Variants in ATP13A3 observed in about 807,000 individuals in gnomAD.
The protein encoded by ATP13A3 is polyamine-transporting ATPase 13A3.
In ATP13A3, 59 loss-of-function variants were observed where a neutral mutation model predicts 158.1. That is an observed-to-expected ratio of 0.37 (90% CI 0.30 to 0.46). ATP13A3 has a LOEUF of 0.46. ATP13A3 is among the 20% of genes least tolerant of loss of function. The pLI, the probability that ATP13A3 is intolerant of heterozygous loss-of-function variation, is 1.00. For missense variants in ATP13A3, 1,166 were observed against 1,525.2 expected, an observed-to-expected ratio of 0.76 and a Z score of 3.92; for synonymous variants, 491 against 504.3, an observed-to-expected ratio of 0.97 and a Z score of 0.35.
chr3:194,462,012 G>C (rs780827801), intron 3 of ATP13A3, 128 bp downstream of exon 3: 13 of 806,386 alleles, frequency 1.6e-5, no homozygotes, highest in Non-Finnish European at 2.7e-5. Context: ...AGCACAGGAT[G>C]AAGAAAGAAG....
At chr3:194,410,977 CAG>C (rs1715382052) in intron 33 of ATP13A3, among the ~76,000 whole-genome samples, 1 of 143,336 alleles carries the variant, frequency 7.0e-6, no homozygotes, top group Non-Finnish European at 1.5e-5. Flanking sequence ...TGTGTATACA[CAG>C]ATGAGATTTT....
At position 194,493,444 on chromosome 3, in the gene ATP13A3, C is replaced by T. The variant is rs553838054; in HGVS notation, n.746+606G>A. ...GGTGGATCACTTGAGGTCAGGAGTTCGAGACCAGCCTGGCCAACATAATGA... is the reference window on the plus strand; with the variant it reads ...GGTGGATCACTTGAGGTCAGGAGTTTGAGACCAGCCTGGCCAACATAATGA... On this transcript the variant is annotated intron_variant and non_coding_transcript_variant, in intron 2 of 32. Coordinates refer to the ATP13A3 transcript ENST00000687055. Among the ~76,000 whole-genome samples the T allele has an allele frequency of 1.5e-4, 23 of 151,996 alleles. No individual in the cohort carries two copies. The East Asian group carries it at 3.3e-3, about 22-fold the overall frequency.
At chr3:194,412,007 T>C (rs78805550) in intron 33 of ATP13A3, among the ~76,000 whole-genome samples, 192 bp downstream of exon 33, 2 of 152,300 alleles carry the variant, frequency 1.3e-5, no homozygotes, top group Non-Finnish European at 2.9e-5. Flanking sequence ...ATGTTTGCCA[T>C]GAATTTTCTA....
chr3:194,433,621 G>T, intron 21 of ATP13A3, 151 bp downstream of exon 21: 3 of 929,128 alleles, frequency 3.2e-6, no homozygotes, highest in Non-Finnish European at 3.1e-6. Flanking sequence ...GTTATCTTGC[G>T]CTTGGGAAAA....
chr3:194,491,745 C>T (rs1577102933), upstream of ATP13A3, among the ~76,000 whole-genome samples: 1 of 84,770 alleles, frequency 1.2e-5, no homozygotes, highest in Non-Finnish European at 2.3e-5. Context: ...ACCTGGCATG[C>T]CCCCTCCATC....
At chr3:194,412,018 G>A (rs1393678124) in intron 33 of ATP13A3, among the ~76,000 whole-genome samples, 181 bp downstream of exon 33, 7 of 152,090 alleles carry the variant, frequency 4.6e-5, no homozygotes, top group African/African-American at 1.2e-4. Context: ...GAATTTTCTA[G>A]GACTTCTTAT....
intron 30 of ATP13A3, 119 bp downstream of exon 30, chr3:194,425,223 A>T: frequency 2.1e-6 from 2 of 962,778 alleles, no homozygotes; most frequent in Non-Finnish European, 3.1e-6. Context: ...CTAAATCACT[A>T]AGTTGATTCT....
intron 14 of ATP13A3, among the ~76,000 whole-genome samples, chr3:194,446,062 G>A (rs1187651016): frequency 1.3e-5 from 2 of 152,064 alleles, no homozygotes; most frequent in Non-Finnish European, 1.5e-5. Flanking sequence ...AAAATTAAAG[G>A]TCACGTAATC....
At chr3:194,460,303 A>C (rs1719555908) in intron 4 of ATP13A3, among the ~76,000 whole-genome samples, 2 of 152,200 alleles carry the variant, frequency 1.3e-5, no homozygotes, top group Admixed American at 1.3e-4. Context: ...TTTAAAAAAG[A>C]AAAAAGGCTG....
At chr3:194,408,249 A>G (rs1376269163) in intron 33 of ATP13A3, among the ~76,000 whole-genome samples, 1 of 151,980 alleles carries the variant, frequency 6.6e-6, no homozygotes, top group Non-Finnish European at 1.5e-5. Flanking sequence ...CGATCTCCTG[A>G]CCCCGTGATC....
intron 14 of ATP13A3, 120 bp from the exon 15 acceptor site, chr3:194,444,906 A>C: frequency 1.5e-6 from 1 of 660,074 alleles, no homozygotes; most frequent in East Asian, 2.9e-5. Flanking sequence ...AACATAATGG[A>C]GTTCTACAGA....
At chr3:194,412,678 T>C (rs1391951884) in intron 32 of ATP13A3, 3 of 184,804 alleles carry the variant, frequency 1.6e-5, no homozygotes, top group Non-Finnish European at 3.5e-5. Flanking sequence ...CACAAACCAT[T>C]CTTTAGGTAG....
At chr3:194,437,524 T>TACTTAGTAAGAAGTAAACATTCTTC (rs776243066) in intron 18 of ATP13A3, 32 bp downstream of exon 18, 7 of 1,612,262 alleles carry the variant, frequency 4.3e-6, no homozygotes, top group Non-Finnish European at 5.9e-6. Context: ...AAAACAAATA[T>TACTTAGTAAGAAGTAAACATTCTTC]ACTTAGTAAG....
rs188220487 is a variant in ATP13A3, at chr3:194,446,656, G to C, written c.1497+271C>G. 2.0e-3 allele frequency among the ~76,000 whole-genome samples: 304 copies of C among 152,186 alleles called. 3 individuals are homozygous for C. Among genetic ancestry groups the C allele is most frequent in the Non-Finnish European group, 1.8e-3 (123 of 68,010 alleles). The stretch of plus-strand genomic sequence containing the variant: ...TTTTTGTGACCAAAATATGGCATAG[G>C]AACTTAAATCTCATTTGTATCAATT... On this transcript the variant is annotated intron_variant, in intron 14 of 33. Coordinates refer to ENST00000645319, the MANE Select transcript of ATP13A3 (RefSeq NM_001367549.1).
chr3:194,427,048 G>A, intron 29 of ATP13A3, 27 bp downstream of exon 29: 2 of 1,587,642 alleles, frequency 1.3e-6, no homozygotes, highest in Non-Finnish European at 1.7e-6. Context: ...ATTTTATATA[G>A]ATTTTTACAT....
intron 2 of ATP13A3, among the ~76,000 whole-genome samples, chr3:194,481,408 A>G (rs1355571257): frequency 6.6e-6 from 1 of 152,144 alleles, no homozygotes; most frequent in Non-Finnish European, 1.5e-5. Flanking sequence ...AAAAGTTTTG[A>G]GATGTGCCAT....
intron 32 of ATP13A3, chr3:194,412,526 G>A (rs931746355): frequency 1.9e-5 from 9 of 479,960 alleles, no homozygotes; most frequent in Non-Finnish European, 3.0e-5. Flanking sequence ...ATGAAATATG[G>A]CTTTTGTATA....
chr3:194,488,888 A>AC (rs1721109962), upstream of ATP13A3, among the ~76,000 whole-genome samples: 1 of 151,962 alleles, frequency 6.6e-6, no homozygotes, highest in Non-Finnish European at 1.5e-5. This position sits in a 1 kb window ranked among gnomAD's most constrained non-coding sequence, Gnocchi z 4.1. Flanking sequence ...TCCAACCCAG[A>AC]CCCCTTCCAC....
chr3:194,453,663 AG>A, intron 10 of ATP13A3, 42 bp downstream of exon 10: 1 of 1,484,422 alleles, frequency 6.7e-7, no homozygotes, highest in South Asian at 1.1e-5. Context: ...TATGCCTAAC[AG>A]GTATCTTTTT....
Sources: allele counts gnomAD v4.1 joint callset (sites outside exome capture counted in the v4.1 genomes callset), GRCh38; gene constraint gnomAD v4.1.1; non-coding constraint Gnocchi (gnomAD v3.1); transcripts MANE v1.5; gene names NCBI Gene and HGNC (gene_info 2026-07-23, HGNC 2026-07-21).